The following ANO6 variants were observed in gnomAD, a reference collection of about 807,000 sequenced individuals.
ANO6 encodes the protein anoctamin-6.
Under a neutral mutation model 117.5 loss-of-function variants are expected in ANO6, and 106 were observed. That is an observed-to-expected ratio of 0.90 (90% confidence interval 0.77 to 1.06). ANO6 has a LOEUF of 1.06. Among genes scored for constraint, ANO6 ranks in the 50% least tolerant of loss-of-function variants. The pLI is 0.00. For synonymous variants in ANO6, 367 were observed against 385.1 expected (o/e 0.95, Z 0.55); for missense variants, 955 against 1,121.1 (o/e 0.85, Z 2.12).
chr12:45,270,497 C>T (rs535887014), intron 1 of ANO6: 1 of 1,391,724 alleles, frequency 7.2e-7, no homozygotes, highest in South Asian at 1.3e-5. Flanking sequence ...TTTTCTGACT[C>T]CTCATACTCA....
At chr12:45,227,598 C>G (rs1390610988) in intron 1 of ANO6, among the ~76,000 whole-genome samples, 4 of 152,138 alleles carry the variant, frequency 2.6e-5, no homozygotes, top group Non-Finnish European at 5.9e-5. Flanking sequence ...CATTATCACC[C>G]TCATAATAAA....
Position 45,323,911 on chromosome 12 carries a change from G to GT in ANO6, c.151-7375dup, listed in dbSNP as rs1158125381. ...CAGCTGAAAACATTTTTTCATCACT[G>GT]TTTTTTTTTGTTGTTGTTGTTGTAT... On this transcript the variant is annotated intron_variant, in intron 2 of 19. Coordinates refer to ENST00000320560, the MANE Select transcript of ANO6 (RefSeq NM_001025356.3). 3.4e-3 allele frequency among the ~76,000 whole-genome samples: 458 copies of GT among 133,448 alleles called. 2 individuals are homozygous for GT. The highest frequency in any genetic ancestry group is 0.018 in the Middle Eastern group (5 of 272). 87.5% of individuals were successfully genotyped at this position (133,448 alleles called of 152,430 possible).
intron 3 of ANO6, among the ~76,000 whole-genome samples, chr12:45,333,802 T>C (rs1940745235): frequency 6.6e-6 from 1 of 152,096 alleles, no homozygotes; most frequent in East Asian, 1.9e-4. Context: ...TTGTACTCCT[T>C]GTCAGGCCTT....
chr12:45,437,683 C>T (rs1943723457), intron 19 of ANO6, among the ~76,000 whole-genome samples: 1 of 152,012 alleles, frequency 6.6e-6, no homozygotes, highest in African/African-American at 2.4e-5. Context: ...AATTCTCCTG[C>T]CTCAGCCTCC....
chr12:45,233,033 G>T (rs1947597382), intron 1 of ANO6, among the ~76,000 whole-genome samples: 1 of 152,132 alleles, frequency 6.6e-6, no homozygotes, highest in South Asian at 2.1e-4. Context: ...AAGCCAACGG[G>T]CCTCTGGATT....
intron 2 of ANO6, among the ~76,000 whole-genome samples, chr12:45,320,900 G>A (rs1327329195): frequency 6.6e-6 from 1 of 151,992 alleles, no homozygotes; most frequent in African/African-American, 2.4e-5. Flanking sequence ...TTTGATCTTT[G>A]TTGGTTTAAA....
At chr12:45,373,498 T>C (rs1365839514) in intron 9 of ANO6, among the ~76,000 whole-genome samples, 1 of 152,070 alleles carries the variant, frequency 6.6e-6, no homozygotes, top group Non-Finnish European at 1.5e-5. Flanking sequence ...GAACAGAAAT[T>C]ATAACAAACT....
chr12:45,274,985 A>G (rs576335989), intron 1 of ANO6, among the ~76,000 whole-genome samples: 6 of 151,108 alleles, frequency 4.0e-5, no homozygotes, highest in African/African-American at 1.5e-4. Context: ...TTTATCTCCA[A>G]CTGAAATTAG....
intron 15 of ANO6, among the ~76,000 whole-genome samples, chr12:45,408,076 C>G (rs1942987897): frequency 6.6e-6 from 1 of 152,154 alleles, no homozygotes; most frequent in Admixed American, 6.5e-5. Flanking sequence ...AGTGGGAAAC[C>G]CAGCAGAGTG....
chr12:45,388,664 A>G (rs1282661428), intron 11 of ANO6, among the ~76,000 whole-genome samples: 2 of 152,144 alleles, frequency 1.3e-5, no homozygotes, highest in Non-Finnish European at 1.5e-5. Context: ...TCAATTTTTC[A>G]CGTATACTTT....
intron 1 of ANO6, among the ~76,000 whole-genome samples, chr12:45,246,515 A>G (rs1457118691): frequency 6.6e-6 from 1 of 152,200 alleles, no homozygotes; most frequent in Non-Finnish European, 1.5e-5. Context: ...GCAGCCTGTG[A>G]TAATATAGGG....
At chr12:45,276,111 C>T (rs1438808961) in intron 1 of ANO6, among the ~76,000 whole-genome samples, 2 of 152,130 alleles carry the variant, frequency 1.3e-5, no homozygotes, top group East Asian at 1.9e-4. Context: ...AATGGTACCA[C>T]CATCCTTCCA....
chr12:45,372,769 A>G (rs1161079133), intron 9 of ANO6, among the ~76,000 whole-genome samples: 1 of 152,226 alleles, frequency 6.6e-6, no homozygotes, highest in Non-Finnish European at 1.5e-5. Flanking sequence ...GCCAAAATGT[A>G]AAGACCATAG....
intron 1 of ANO6, among the ~76,000 whole-genome samples, chr12:45,242,538 C>T (rs78455302): frequency 4.6e-5 from 7 of 152,332 alleles, no homozygotes; most frequent in South Asian, 4.1e-4. Flanking sequence ...CTGGGTGAGG[C>T]GACGCCCTGC....
At chr12:45,435,928 A>G (rs111901757), downstream of ANO6, among the ~76,000 whole-genome samples, 2,008 of 152,316 alleles carry the variant, frequency 0.013, 37 homozygotes, top group African/African-American at 0.046. Context: ...AGCTTATATA[A>G]AAATAGATCA....
intron 2 of ANO6, among the ~76,000 whole-genome samples, chr12:45,314,717 G>C (rs7970619): frequency 0.92 from 140,569 of 152,020 alleles, 65,979 homozygotes; most frequent in East Asian, 1. Context: ...TTTGACTGAC[G>C]TCTGGAGAAT....
chr12:45,253,897 G>A (rs1161193186), intron 1 of ANO6, among the ~76,000 whole-genome samples: 1 of 152,190 alleles, frequency 6.6e-6, no homozygotes, highest in Non-Finnish European at 1.5e-5. Context: ...CACGGAGTGT[G>A]GTGGCTCATG....
chr12:45,292,202 A>G (rs1939125051), intron 1 of ANO6, among the ~76,000 whole-genome samples: 1 of 152,260 alleles, frequency 6.6e-6, no homozygotes, highest in Admixed American at 6.5e-5. Flanking sequence ...AAGTGAAATA[A>G]GCCAGAAACA....
intron 1 of ANO6, among the ~76,000 whole-genome samples, chr12:45,252,207 A>G (rs1381762024): frequency 6.6e-6 from 1 of 152,248 alleles, no homozygotes; most frequent in Non-Finnish European, 1.5e-5. Flanking sequence ...AGAACACACC[A>G]TCACACACAC....
Sources: allele counts gnomAD v4.1 joint callset (sites outside exome capture counted in the v4.1 genomes callset), GRCh38; gene constraint gnomAD v4.1.1; transcripts MANE v1.5; gene names NCBI Gene and HGNC (gene_info 2026-07-23, HGNC 2026-07-21).